NALCN: variants seen among roughly 807,000 people sequenced by gnomAD.
NALCN encodes the protein sodium leak channel, non-selective, also known as sodium leak channel NALCN.
NALCN carries 111 observed loss-of-function variants against 225.3 expected under a neutral mutation model. The ratio of observed to expected loss-of-function variants is 0.49; its 90% CI spans 0.42 to 0.58. The LOEUF (loss-of-function observed/expected upper bound fraction) is 0.58, where lower values mean the gene tolerates loss of function less well. NALCN is among the 20% of genes least tolerant of loss of function. The pLI, the probability that NALCN is intolerant of heterozygous loss-of-function variation, is 0.00. For synonymous variants in NALCN, 764 were observed against 769.0 expected, an observed-to-expected ratio of 0.99 and a Z score of 0.11; for missense variants, 1,378 against 2,202.4, an observed-to-expected ratio of 0.63 and a Z score of 7.49.
chr13:101,191,216 A>G (rs767714002), intron 14 of NALCN, among the ~76,000 whole-genome samples: 13 of 152,192 alleles, frequency 8.5e-5, no homozygotes, highest in Non-Finnish European at 1.8e-4. Flanking sequence ...TTAAATATGA[A>G]CAAATTTATT....
intron 7 of NALCN, among the ~76,000 whole-genome samples, chr13:101,293,145 T>C (rs962876845): frequency 6.6e-6 from 1 of 152,164 alleles, no homozygotes; most frequent in Non-Finnish European, 1.5e-5. Flanking sequence ...GATGCAAAGA[T>C]AATAATTAAG....
At chr13:101,380,234 T>C (rs183290406) in intron 3 of NALCN, among the ~76,000 whole-genome samples, 3,223 of 141,888 alleles carry the variant, frequency 0.023, 118 homozygotes, top group African/African-American at 0.075. Flanking sequence ...AATTCAAGAC[T>C]AACAAAAAAA....
chr13:101,222,967 A>G (rs748468442), intron 13 of NALCN, among the ~76,000 whole-genome samples: 15 of 152,100 alleles, frequency 9.9e-5, no homozygotes, highest in East Asian at 1.9e-4. Context: ...TCAACCAATC[A>G]CCCAATTCCC....
chr13:101,064,588 A>G (rs1203523097), intron 40 of NALCN, among the ~76,000 whole-genome samples: 1 of 151,960 alleles, frequency 6.6e-6, no homozygotes, highest in Non-Finnish European at 1.5e-5. Flanking sequence ...ACACACACAA[A>G]CAGAATGCCA....
At chr13:101,059,153 C>T (rs1170985124) in intron 42 of NALCN, 1 of 152,558 alleles carries the variant, frequency 6.6e-6, no homozygotes, top group Non-Finnish European at 1.5e-5. Flanking sequence ...AGGGGCAGGT[C>T]CTCCCAGCCA....
intron 10 of NALCN, among the ~76,000 whole-genome samples, chr13:101,269,067 A>C (rs1566508887): frequency 6.6e-6 from 1 of 152,140 alleles, no homozygotes; most frequent in Non-Finnish European, 1.5e-5. Context: ...TTAAGAATAA[A>C]CATGCTAAAA....
chr13:101,188,683 T>C (rs1341955921), intron 14 of NALCN, among the ~76,000 whole-genome samples: 2 of 62,314 alleles, frequency 3.2e-5, no homozygotes, highest in African/African-American at 1.5e-4. Flanking sequence ...TGTGTGTGTA[T>C]ATATATATAT....
chr13:101,368,558 A>G (rs528531695), intron 6 of NALCN: 2 of 152,108 alleles, frequency 1.3e-5, no homozygotes, highest in Non-Finnish European at 2.9e-5. Context: ...ATCAATTAAC[A>G]TTTTCTGTTT....
chr13:101,074,714 C>T, intron 35 of NALCN, 52 bp from the exon 36 acceptor site: 1 of 1,223,998 alleles, frequency 8.2e-7, no homozygotes. Flanking sequence ...GAGAGAGAGA[C>T]AGAGACAGAG....
At chr13:101,307,848 T>C (rs1276587359) in intron 7 of NALCN, among the ~76,000 whole-genome samples, 3 of 152,134 alleles carry the variant, frequency 2.0e-5, no homozygotes, top group Non-Finnish European at 4.4e-5. Context: ...ATTCTTAGAG[T>C]TCTAACCAAA....
intron 10 of NALCN, among the ~76,000 whole-genome samples, chr13:101,263,663 T>G (rs1227373198): frequency 6.6e-6 from 1 of 152,244 alleles, no homozygotes; most frequent in Non-Finnish European, 1.5e-5. Flanking sequence ...GTTTTTTGTC[T>G]GAATGTCTAC....
chr13:101,091,494 G>A (rs1482484273), intron 28 of NALCN, among the ~76,000 whole-genome samples: 3 of 152,166 alleles, frequency 2.0e-5, no homozygotes, highest in Non-Finnish European at 4.4e-5. Flanking sequence ...AGGGCTTAGG[G>A]CTGATTAGTG....
chr13:101,358,542 ACAATAAAT>A (rs2139352519), intron 6 of NALCN, among the ~76,000 whole-genome samples: 1 of 152,314 alleles, frequency 6.6e-6, no homozygotes, highest in Admixed American at 6.5e-5. Flanking sequence ...AAGTCAAGAA[ACAATAAAT>A]GCTGGCGAGG....
At chr13:101,106,834 G>A (rs1476655056) in intron 22 of NALCN, among the ~76,000 whole-genome samples, 2 of 152,138 alleles carry the variant, frequency 1.3e-5, no homozygotes, top group Middle Eastern at 3.2e-3. Context: ...CCAGTCTCAG[G>A]TATGTCTTTA....
intron 27 of NALCN, among the ~76,000 whole-genome samples, chr13:101,095,982 G>A (rs963437372): frequency 2.6e-5 from 4 of 152,052 alleles, no homozygotes; most frequent in African/African-American, 7.2e-5. Flanking sequence ...TCTGCCATCC[G>A]GAAAATGCAA....
intron 15 of NALCN, among the ~76,000 whole-genome samples, chr13:101,146,784 A>G (rs1688576168): frequency 6.6e-6 from 1 of 152,218 alleles, no homozygotes; most frequent in Non-Finnish European, 1.5e-5. Context: ...ATAAAAAGAA[A>G]TAAGTCACTG....
intron 13 of NALCN, among the ~76,000 whole-genome samples, chr13:101,221,242 C>A (rs1411261029): frequency 6.6e-6 from 1 of 152,046 alleles, no homozygotes; most frequent in Admixed American, 6.6e-5. Context: ...CCTCAGCCTC[C>A]TGAGTAGCTG....
chr13:101,399,438 C>T (rs775929898), intron 1 of NALCN, among the ~76,000 whole-genome samples: 3 of 152,126 alleles, frequency 2.0e-5, no homozygotes, highest in Non-Finnish European at 4.4e-5. Flanking sequence ...AAATGGGTTG[C>T]TTCTTAGGGC....
intron 6 of NALCN, among the ~76,000 whole-genome samples, chr13:101,346,499 G>T (rs1050447280): frequency 6.6e-6 from 1 of 152,104 alleles, no homozygotes; most frequent in Admixed American, 6.6e-5. Flanking sequence ...CCTTCTGAGT[G>T]TTGGAAGGTG....
Sources: gnomAD v4.1 joint callset for allele counts (sites outside exome capture counted in the v4.1 genomes callset) on GRCh38, gnomAD v4.1.1 for gene constraint, MANE v1.5 for transcripts, NCBI Gene and HGNC (gene_info 2026-07-23, HGNC 2026-07-21) for gene names.